SCARA5: variants seen among roughly 807,000 people sequenced by gnomAD.
SCARA5 encodes scavenger receptor class A member 5, also known as scavenger receptor class A, member 5 (putative).
SCARA5 carries 45 observed loss-of-function variants against 46.3 expected under a neutral mutation model. That is an observed-to-expected ratio of 0.97 (90% CI 0.76 to 1.24). The LOEUF (loss-of-function observed/expected upper bound fraction) is 1.24, where lower values mean the gene tolerates loss of function less well. Ranked by LOEUF, SCARA5 falls within the 50% of genes most tolerant of loss-of-function variation. The pLI, the probability that SCARA5 is intolerant of heterozygous loss-of-function variation, is 0.00. For synonymous variants in SCARA5, 333 were observed against 306.5 expected, an observed-to-expected ratio of 1.09 and a Z score of -0.90; for missense variants, 680 against 689.0, an observed-to-expected ratio of 0.99 and a Z score of 0.15.
chr8:27,887,990 C>T lies in SCARA5; in HGVS notation c.1154-8224G>A, dbSNP rs184718705. ...ACCCAGCTGGATGTTTTTCAGAAAC[C>T]CAGAACCAAATGGATTTGCTGGCAT... On this transcript the variant is annotated intron_variant, in intron 7 of 8. Transcript: ENST00000354914. Among the ~76,000 whole-genome samples, 8 of 152,186 alleles carry T rather than the reference C, an allele frequency of 5.3e-5. No homozygotes were observed. In the East Asian group the frequency reaches 1.5e-3, roughly 29 times the overall value.
chr8:27,930,095 C>T (rs1585496331), intron 3 of SCARA5, among the ~76,000 whole-genome samples: 1 of 152,190 alleles, frequency 6.6e-6, no homozygotes, highest in Non-Finnish European at 1.5e-5. Flanking sequence ...ATAACCCAAA[C>T]CACAGCAATT....
intron 3 of SCARA5, among the ~76,000 whole-genome samples, chr8:27,922,480 T>C (rs1465300663): frequency 6.6e-6 from 1 of 152,080 alleles, no homozygotes; most frequent in African/African-American, 2.4e-5. Flanking sequence ...CCTGCAGAAA[T>C]TGTGATTGAA....
At chr8:27,975,932 C>A (rs1808517198) in intron 2 of SCARA5, among the ~76,000 whole-genome samples, 1 of 152,212 alleles carries the variant, frequency 6.6e-6, no homozygotes, top group Non-Finnish European at 1.5e-5. Flanking sequence ...TTACGATGGT[C>A]TGGGACAGAT....
intron 4 of SCARA5, among the ~76,000 whole-genome samples, chr8:27,918,543 A>T (rs1480094435): frequency 4.0e-5 from 6 of 151,244 alleles, no homozygotes; most frequent in African/African-American, 1.5e-4. Flanking sequence ...GCAGAGGAGG[A>T]AGAGGAAAAG....
intron 4 of SCARA5, among the ~76,000 whole-genome samples, chr8:27,917,399 T>A (rs1485362101): frequency 6.6e-6 from 1 of 152,060 alleles, no homozygotes; most frequent in African/African-American, 2.4e-5. Context: ...ATGTGAAGTG[T>A]CTGGGGAGGT....
intron 4 of SCARA5, among the ~76,000 whole-genome samples, chr8:27,912,684 C>A (rs1211789061): frequency 6.6e-6 from 1 of 152,242 alleles, no homozygotes; most frequent in East Asian, 1.9e-4. Flanking sequence ...CCTCCACCAC[C>A]CCGGGTGCTC....
chr8:27,977,202 C>T (rs769094563), intron 2 of SCARA5, among the ~76,000 whole-genome samples: 5 of 152,162 alleles, frequency 3.3e-5, no homozygotes, highest in Non-Finnish European at 7.4e-5. Flanking sequence ...ATGACCTAAT[C>T]GCCTCCCAGA....
intron 2 of SCARA5, among the ~76,000 whole-genome samples, chr8:27,982,835 CCCAT>C (rs1443354991): frequency 2.3e-4 from 35 of 152,216 alleles, no homozygotes; most frequent in African/African-American, 7.9e-4. Flanking sequence ...CCCTCCTCTT[CCCAT>C]CTCACCTGGC....
intron 3 of SCARA5, among the ~76,000 whole-genome samples, chr8:27,956,884 G>C (rs1196801861): frequency 6.6e-6 from 1 of 152,206 alleles, no homozygotes; most frequent in African/African-American, 2.4e-5. Flanking sequence ...GATGCCTGCA[G>C]GACTGTCACA....
In SCARA5 at chr8:27,921,605, G is replaced by A. The variant is rs751855526; in HGVS notation, c.882C>T (p.His294=). Reference sequence around the variant, plus strand: ...GGGAGATGTTCCGCAGTGCGATGGAGTGCTCCCAGTCCTTGAGGCGCAGGT... The same window carrying A: ...GGGAGATGTTCCGCAGTGCGATGGAATGCTCCCAGTCCTTGAGGCGCAGGT... ...TEDLRLKDWE[H]SIALRNISLA... The change falls in exon 4 of 9, where the codon CAC becomes CAT. Residue 294 remains histidine (H), a synonymous_variant. Transcript: ENST00000354914. 13 of 1,587,246 alleles carry A rather than the reference G, an allele frequency of 8.2e-6. No homozygotes were observed. In the South Asian group the frequency reaches 1.5e-4, roughly 18 times the overall value.
chr8:27,902,888 C>T (rs757122474), intron 7 of SCARA5, among the ~76,000 whole-genome samples: 4 of 152,074 alleles, frequency 2.6e-5, no homozygotes, highest in Non-Finnish European at 4.4e-5. Context: ...CTGTGAAGCT[C>T]GCAGATGGCC....
At chr8:27,929,196 C>A (rs1227511846) in intron 3 of SCARA5, among the ~76,000 whole-genome samples, 1 of 152,162 alleles carries the variant, frequency 6.6e-6, no homozygotes, top group Non-Finnish European at 1.5e-5. Flanking sequence ...AGGTGGCTTG[C>A]CCCTGCACAT....
intron 7 of SCARA5, among the ~76,000 whole-genome samples, chr8:27,892,606 C>G (rs1815033): frequency 1.6e-5 from 2 of 127,034 alleles, no homozygotes; most frequent in South Asian, 2.5e-4. Context: ...ATACCTCACC[C>G]TTTTTTTTTT....
chr8:27,947,688 T>C (rs1251872647), intron 3 of SCARA5, among the ~76,000 whole-genome samples: 1 of 141,376 alleles, frequency 7.1e-6, no homozygotes, highest in Admixed American at 7.5e-5. Context: ...AGCCTGAACA[T>C]GGCGAAACCG....
At chr8:27,940,922 T>C (rs1024528947) in intron 3 of SCARA5, among the ~76,000 whole-genome samples, 1 of 152,168 alleles carries the variant, frequency 6.6e-6, no homozygotes, top group African/African-American at 2.4e-5. Context: ...GCCTAGAGTA[T>C]TTTGCATTAT....
At chr8:27,964,087 TG>T (rs1422093092) in intron 3 of SCARA5, among the ~76,000 whole-genome samples, 5 of 152,174 alleles carry the variant, frequency 3.3e-5, no homozygotes, top group African/African-American at 1.2e-4. Context: ...TTGGTATCTC[TG>T]AGAAGGAGCA....
chr8:27,876,517 C>T (rs1389871389), intron 8 of SCARA5, among the ~76,000 whole-genome samples: 1 of 152,064 alleles, frequency 6.6e-6, no homozygotes. Context: ...GGGATGGGGT[C>T]TGACTGGTAG....
rs932506943 is a variant in SCARA5 at position 27,870,446 on chromosome 8, G to C, written c.*1488C>G. ...GCAAGAATGACCTAGGGCCATATTGGCTTAGTTGTCAGCCAGGAGTGTTGC... is the reference window on the plus strand; with the variant it reads ...GCAAGAATGACCTAGGGCCATATTGCCTTAGTTGTCAGCCAGGAGTGTTGC... On this transcript the variant is annotated 3_prime_UTR_variant, in exon 9 of 9. Transcript: ENST00000354914. 1 of 152,514 alleles carries C rather than the reference G, an allele frequency of 6.6e-6. No individual in the cohort carries two copies. The highest frequency in any genetic ancestry group is 1.5e-5 in the Non-Finnish European group (1 of 68,014). 9.4% of individuals were successfully genotyped at this position (152,514 alleles called of 1,614,324 possible). A position where few individuals can be genotyped will look rare whatever the true frequency, so the allele number is the denominator to read the frequency against.
At chr8:27,964,241 T>G (rs149677514) in intron 3 of SCARA5, among the ~76,000 whole-genome samples, 58 of 152,300 alleles carry the variant, frequency 3.8e-4, no homozygotes, top group African/African-American at 1.3e-3. Flanking sequence ...GAGGCCAGCA[T>G]GATTCTCCAG....
Sources: gnomAD v4.1 joint callset for allele counts (sites outside exome capture counted in the v4.1 genomes callset) on GRCh38, gnomAD v4.1.1 for gene constraint, MANE v1.5 for transcripts, NCBI Gene and HGNC (gene_info 2026-07-23, HGNC 2026-07-21) for gene names.